Variants in MEGF11 observed in about 807,000 individuals in gnomAD.
The protein encoded by MEGF11 is multiple epidermal growth factor-like domains protein 11.
In MEGF11, 126 loss-of-function variants were observed where a neutral mutation model predicts 146.6. The ratio of observed to expected loss-of-function variants is 0.86; its 90% CI spans 0.74 to 1.00. The LOEUF (loss-of-function observed/expected upper bound fraction) is 1.00, where lower values mean the gene tolerates loss of function less well. Ranked by LOEUF, MEGF11 falls within the 50% of genes least tolerant of loss-of-function variation. MEGF11 has a pLI of 0.00. For synonymous variants in MEGF11, 532 were observed against 583.4 expected (o/e 0.91, Z 1.27); for missense variants, 1,509 against 1,521.2 (o/e 0.99, Z 0.13).
At chr15:65,949,279 T>C (rs2141429437) in intron 10 of MEGF11, among the ~76,000 whole-genome samples, 1 of 152,146 alleles carries the variant, frequency 6.6e-6, no homozygotes, top group African/African-American at 2.4e-5. Flanking sequence ...GGAAATTCAA[T>C]CACTGCTCCA....
chr15:66,123,935 G>C lies in MEGF11; in HGVS notation c.164C>G (p.Thr55Arg), dbSNP rs367723110. ...PFDQIYYTRCTDILNWFKCTR... is the reference protein window; with the variant it reads ...PFDQIYYTRCRDILNWFKCTR... ...GCACTTGAACCAGTTGAGGATGTCT[G>C]TGCATCGTGTGTAATAGATCTGATC... is the stretch of plus-strand genomic sequence containing the variant. Residue 55 changes from threonine (T) to arginine (R), a missense_variant, in exon 3 of 26, where the codon ACA becomes AGA. Thr to Arg is a moderately conservative substitution (Grantham distance 71). Coordinates refer to ENST00000395614, the MANE Select transcript of MEGF11 (RefSeq NM_001385028.1). 1 of 1,613,906 alleles carries C rather than the reference G, an allele frequency of 6.2e-7. No homozygotes were observed. Among genetic ancestry groups the C allele is most frequent in the Non-Finnish European group, 8.5e-7 (1 of 1,179,878 alleles).
chr15:65,914,053 T>TA, intron 19 of MEGF11, 80 bp from the exon 20 acceptor site: 1 of 1,048,748 alleles, frequency 9.5e-7, no homozygotes, highest in Non-Finnish European at 1.4e-6. Flanking sequence ...CAGATGCGTG[T>TA]AACCCCTCTA....
intron 10 of MEGF11, among the ~76,000 whole-genome samples, chr15:65,933,762 G>A (rs1319697013): frequency 6.6e-6 from 1 of 152,156 alleles, no homozygotes; most frequent in African/African-American, 2.4e-5. Context: ...GGTGGACTCT[G>A]GTACCATCCT....
intron 5 of MEGF11, among the ~76,000 whole-genome samples, chr15:66,031,912 G>C (rs2083535659): frequency 6.6e-6 from 1 of 152,230 alleles, no homozygotes; most frequent in South Asian, 2.1e-4. Context: ...TTAGGAACCA[G>C]GCCACATGGC....
intron 5 of MEGF11, among the ~76,000 whole-genome samples, chr15:66,076,948 C>T (rs9788677): frequency 0.19 from 29,013 of 152,212 alleles, 2,983 homozygotes; most frequent in East Asian, 0.39. Flanking sequence ...AAGCCTTCAG[C>T]ATCCTCTCTC....
At chr15:66,211,249 CTT>C (rs1329895789) in intron 1 of MEGF11, among the ~76,000 whole-genome samples, 6 of 152,330 alleles carry the variant, frequency 3.9e-5, no homozygotes, top group Admixed American at 2.6e-4. Flanking sequence ...TCCAGCCGGG[CTT>C]GGTGGCTCAC....
intron 4 of MEGF11, among the ~76,000 whole-genome samples, chr15:66,116,786 A>G (rs2087751293): frequency 6.6e-6 from 1 of 152,186 alleles, no homozygotes; most frequent in Non-Finnish European, 1.5e-5. Context: ...GGAGGAGGGA[A>G]CTGACATTTA....
chr15:65,957,107 AG>A (rs2080673615), intron 10 of MEGF11, among the ~76,000 whole-genome samples: 1 of 152,254 alleles, frequency 6.6e-6, no homozygotes, highest in South Asian at 2.1e-4. Flanking sequence ...CAGCAGTAAG[AG>A]AATGGCTGAA....
At chr15:65,906,004 T>G (rs989899635) in intron 24 of MEGF11, 81 bp downstream of exon 24, 1 of 1,204,296 alleles carries the variant, frequency 8.3e-7, no homozygotes, top group Non-Finnish European at 1.2e-6. Flanking sequence ...TTGTCTCAAG[T>G]GGAATTCCTG....
intron 5 of MEGF11, among the ~76,000 whole-genome samples, chr15:66,023,751 G>C (rs943473083): frequency 6.6e-6 from 1 of 152,216 alleles, no homozygotes; most frequent in Non-Finnish European, 1.5e-5. Flanking sequence ...GATAATTGCA[G>C]TGAAGCACCA....
At chr15:66,218,513 A>G (rs187583196) in intron 1 of MEGF11, among the ~76,000 whole-genome samples, 12 of 152,300 alleles carry the variant, frequency 7.9e-5, no homozygotes, top group Admixed American at 3.3e-4. Flanking sequence ...CACCTAGCCA[A>G]TCAAACCCTC....
chr15:66,057,044 T>C (rs1200935841), intron 5 of MEGF11, among the ~76,000 whole-genome samples: 1 of 152,244 alleles, frequency 6.6e-6, no homozygotes, highest in Non-Finnish European at 1.5e-5. Context: ...TTTTGGGCCC[T>C]TCAGATGTTT....
chr15:65,983,957 C>A (rs1307368952), intron 5 of MEGF11, among the ~76,000 whole-genome samples: 1 of 152,100 alleles, frequency 6.6e-6, no homozygotes, highest in Non-Finnish European at 1.5e-5. Flanking sequence ...CCCACCAGTC[C>A]CCGACATGTC....
intron 5 of MEGF11, among the ~76,000 whole-genome samples, chr15:66,017,039 T>C (rs1472397319): frequency 2.0e-5 from 3 of 152,214 alleles, no homozygotes; most frequent in African/African-American, 7.2e-5. Flanking sequence ...GGGTTATTTT[T>C]TGTTCCTGTC....
intron 5 of MEGF11, among the ~76,000 whole-genome samples, chr15:66,021,354 C>T (rs1043414895): frequency 7.9e-5 from 12 of 152,236 alleles, no homozygotes; most frequent in Non-Finnish European, 1.5e-4. Flanking sequence ...AATTCAAACC[C>T]AGCCCTAGTA....
chr15:66,252,545 A>G (rs1285205154), intron 1 of MEGF11, among the ~76,000 whole-genome samples: 1 of 152,012 alleles, frequency 6.6e-6, no homozygotes, highest in Non-Finnish European at 1.5e-5. Flanking sequence ...CTGCCGCTGG[A>G]TGGAGCCCGC....
At position 66,113,694 on chromosome 15, in the gene MEGF11, C is replaced by G. The variant is rs186138112; in HGVS notation, c.301+5392G>C. 3.9e-5 allele frequency among the ~76,000 whole-genome samples: 6 copies of G among 152,132 alleles called. No homozygotes were observed. In the East Asian group the frequency reaches 1.2e-3, roughly 29 times the overall value. Reference sequence around the variant, plus strand: ...GGATCACGAGGTCAGGAGATCGAGACCACAGTGAAACCCCGTCTCTACTAA... The same window carrying G: ...GGATCACGAGGTCAGGAGATCGAGAGCACAGTGAAACCCCGTCTCTACTAA... On this transcript the variant is annotated intron_variant, in intron 4 of 25. Transcript: ENST00000395614.
intron 10 of MEGF11, among the ~76,000 whole-genome samples, chr15:65,957,032 G>A (rs1407670204): frequency 6.6e-6 from 1 of 152,174 alleles, no homozygotes; most frequent in Non-Finnish European, 1.5e-5. Flanking sequence ...AGGGTGCGGT[G>A]AGGGAATGCT....
chr15:65,928,507 G>C lies in MEGF11; in HGVS notation c.1593C>G (p.Asn531Lys). The C allele has an allele frequency of 1.2e-6, 2 of 1,603,580 alleles. No homozygotes were observed. Among genetic ancestry groups the C allele is most frequent in the Non-Finnish European group, 1.7e-6 (2 of 1,173,666 alleles). Residue 531 changes from asparagine to lysine, a missense_variant, in exon 13 of 26, where the codon AAC (asparagine) becomes AAG (lysine). Asn to Lys is a moderately conservative substitution (Grantham distance 94). Coordinates refer to ENST00000395614, the MANE Select transcript of MEGF11 (RefSeq NM_001385028.1). ...GGCTGCAGTCACAGTGTTCACTGCA[G>C]TTCAGCCCAAATGTGCCATCCTGTG... ...LPCPDGTFGL[N>K]CSEHCDCSHA...
Sources: allele counts gnomAD v4.1 joint callset (sites outside exome capture counted in the v4.1 genomes callset), GRCh38; gene constraint gnomAD v4.1.1; transcripts MANE v1.5; gene names NCBI Gene and HGNC (gene_info 2026-07-23, HGNC 2026-07-21).